Variants in SLC9A7 observed in about 807,000 individuals in gnomAD.
SLC9A7 encodes solute carrier family 9 member A7.
Under a neutral mutation model 52.6 loss-of-function variants are expected in SLC9A7, and 19 were observed. The observed-to-expected ratio is 0.36, with a 90% CI of 0.25 to 0.53. The LOEUF (loss-of-function observed/expected upper bound fraction) is 0.53, where lower values mean the gene tolerates loss of function less well. Ranked by LOEUF, SLC9A7 falls within the 20% of genes least tolerant of loss-of-function variation. SLC9A7 has a pLI of 0.91. For missense variants in SLC9A7, 455 were observed against 597.9 expected, an observed-to-expected ratio of 0.76 and a Z score of 2.49; for synonymous variants, 226 against 252.1, an observed-to-expected ratio of 0.90 and a Z score of 0.98.
chrX:46,608,172 T>G (rs1314267711), intron 16 of SLC9A7, among the ~76,000 whole-genome samples: 1 of 112,238 alleles, frequency 8.9e-6, no homozygotes, highest in African/African-American at 3.2e-5. Flanking sequence ...CCCATCTAGA[T>G]GACAAACGCC....
intron 1 of SLC9A7, among the ~76,000 whole-genome samples, chrX:46,729,649 TGCAATCCCA>T (rs1203718430): frequency 3.6e-5 from 4 of 110,776 alleles, no homozygotes; most frequent in Non-Finnish European, 5.7e-5. Context: ...GGTGGGTGCC[TGCAATCCCA>T]GCTACTCGGG....
intron 14 of SLC9A7, among the ~76,000 whole-genome samples, chrX:46,623,044 T>C (rs1244898420): frequency 3.6e-5 from 4 of 112,376 alleles, no homozygotes; most frequent in African/African-American, 6.5e-5. Flanking sequence ...AGAAGCATGA[T>C]TAGGTATAGG....
At chrX:46,615,348 C>T (rs1480314166) in intron 15 of SLC9A7, among the ~76,000 whole-genome samples, 2 of 112,014 alleles carry the variant, frequency 1.8e-5, no homozygotes. Flanking sequence ...GCCTGGAGCT[C>T]TTTATACGCG....
intron 1 of SLC9A7, among the ~76,000 whole-genome samples, chrX:46,732,626 A>G (rs1352460219): frequency 8.9e-6 from 1 of 111,898 alleles, no homozygotes; most frequent in East Asian, 2.8e-4. Flanking sequence ...GCACTTTCAT[A>G]TATTGTGGAG....
intron 1 of SLC9A7, among the ~76,000 whole-genome samples, chrX:46,733,183 T>C (rs1248601007): frequency 8.9e-6 from 1 of 112,012 alleles, no homozygotes; most frequent in African/African-American, 3.2e-5. Flanking sequence ...ACCATGTAAA[T>C]GTATTAACTA....
At chrX:46,633,596 T>C (rs982700231) in intron 13 of SLC9A7, among the ~76,000 whole-genome samples, 3 of 106,288 alleles carry the variant, frequency 2.8e-5, no homozygotes, top group Admixed American at 1.0e-4. Context: ...GAAGAGGAGG[T>C]AAAGCAATGG....
rs1358761548 is a variant in SLC9A7, at chrX:46,647,080, C to T, written c.1462+1606G>A. The T allele has an allele frequency of 5.6e-5, 18 of 323,160 alleles. No homozygotes were observed. The East Asian group carries it at 1.4e-3, about 25-fold the overall frequency. The allele number at this position is 323,160 out of a possible 1,213,427, so 26.6% of individuals were successfully genotyped here. A position where few individuals can be genotyped will look rare whatever the true frequency, so the allele number is the denominator to read the frequency against. On this transcript the variant is annotated intron_variant, in intron 11 of 16. Transcript: ENST00000616978. Reference sequence around the variant, plus strand: ...CACCAGAGTGCCACTCATTAAGATGCCAAGTCCTCACTACGGGCAGCCACA... The same window carrying T: ...CACCAGAGTGCCACTCATTAAGATGTCAAGTCCTCACTACGGGCAGCCACA...
chrX:46,608,848 G>A (rs999078809), intron 16 of SLC9A7, among the ~76,000 whole-genome samples: 8 of 110,540 alleles, frequency 7.2e-5, no homozygotes, highest in South Asian at 3.9e-4. Context: ...ATTTCACCAC[G>A]TTGGTCAGGC....
intron 14 of SLC9A7, among the ~76,000 whole-genome samples, chrX:46,624,896 T>C (rs371286655): frequency 8.9e-6 from 1 of 112,244 alleles, no homozygotes; most frequent in Admixed American, 9.4e-5. Flanking sequence ...TCTGCATTCA[T>C]TAAGCACCTA....
At position 46,631,442 on chromosome X, in the gene SLC9A7, A is replaced by G. The variant is rs1943219929; in HGVS notation, c.1740+144T>C. On this transcript the variant is annotated intron_variant, in intron 14 of 16. Transcript: ENST00000616978. ...AGATGACTCAAACTCCCAAACTTCA[A>G]CTTTTAATCTGTAAAATGGGGAGAG... 6.4e-6 allele frequency: 3 copies of G among 468,565 alleles called. No homozygotes were observed. In the South Asian group the frequency reaches 1.1e-4, roughly 17 times the overall value. The allele number at this position is 468,565 out of a possible 1,213,427, so 38.6% of individuals were successfully genotyped here.
intron 8 of SLC9A7, among the ~76,000 whole-genome samples, chrX:46,653,081 G>T (rs1943609617): frequency 8.9e-6 from 1 of 112,336 alleles, no homozygotes; most frequent in Admixed American, 9.4e-5. Context: ...ACTTTGGAAT[G>T]ATAAACTTTA....
In SLC9A7 at chrX:46,651,455, G is replaced by GA. The variant is rs757502245; in HGVS notation, c.1148-52dup. Reference sequence around the variant, plus strand: ...ATCAATGGAAAAAAAAGAGGCAGGGGAAAAAAAAAACCCTGCTAGAACAAA... The same window carrying GA: ...ATCAATGGAAAAAAAAGAGGCAGGGGAAAAAAAAAAACCCTGCTAGAACAAA... On this transcript the variant is annotated intron_variant, in intron 8 of 16. Transcript: ENST00000616978. 7.8e-3 allele frequency: 6,686 copies of GA among 861,303 alleles called. 11 individuals carry two copies. Among genetic ancestry groups the GA allele is most frequent in the African/African-American group, 0.026 (1,200 of 46,894 alleles). 71.0% of individuals were successfully genotyped at this position (861,303 alleles called of 1,213,427 possible).
intron 1 of SLC9A7, among the ~76,000 whole-genome samples, chrX:46,740,983 T>C (rs1032876929): frequency 9.0e-6 from 1 of 111,219 alleles, no homozygotes; most frequent in African/African-American, 3.3e-5. Context: ...AAAAATTAAT[T>C]GTATTTCTAT....
chrX:46,643,425 A>G, intron 11 of SLC9A7, 36 bp from the exon 12 acceptor site: 1 of 1,152,986 alleles, frequency 8.7e-7, no homozygotes, highest in South Asian at 2.0e-5. Flanking sequence ...ACTTATAAGG[A>G]TTAAATGACA....
At position 46,672,609 on chromosome X, in the gene SLC9A7, G is replaced by T; in HGVS notation, c.622C>A (p.Leu208Ile). 4 of 1,201,309 alleles carry T rather than the reference G, an allele frequency of 3.3e-6. No homozygotes were observed. Among genetic ancestry groups the T allele is most frequent in the Non-Finnish European group, 4.5e-6 (4 of 888,136 alleles). ...SLKKRHFFRN[L>I]GSILAYAFLG... ...AAGGCATAGGCCAGTATAGATCCAAGATTTCTGAAAAAGTGTCTCTGAATA... is the reference window on the plus strand; with the variant it reads ...AAGGCATAGGCCAGTATAGATCCAATATTTCTGAAAAAGTGTCTCTGAATA... The change falls in exon 4 of 17, where the codon CTT becomes ATT. Residue 208 changes from leucine to isoleucine, a missense_variant. Leu to Ile is a conservative substitution (Grantham distance 5). Coordinates refer to ENST00000616978, the MANE Select transcript of SLC9A7 (RefSeq NM_001257291.2).
chrX:46,702,186 T>G (rs1002105912), intron 1 of SLC9A7, among the ~76,000 whole-genome samples: 1 of 112,152 alleles, frequency 8.9e-6, no homozygotes, highest in African/African-American at 3.2e-5. Context: ...TTTCAGCATA[T>G]GGATACATTT....
At chrX:46,622,694 AT>A (rs931298456) in intron 14 of SLC9A7, among the ~76,000 whole-genome samples, 1 of 111,951 alleles carries the variant, frequency 8.9e-6, no homozygotes, top group African/African-American at 3.3e-5. Flanking sequence ...ATTTCTTGCC[AT>A]TTAATCTCAA....
At chrX:46,673,354 A>AC (rs1569515264) in intron 3 of SLC9A7, among the ~76,000 whole-genome samples, 1,843 of 82,612 alleles carry the variant, frequency 0.022, 45 homozygotes, top group African/African-American at 0.071. Flanking sequence ...TTAAAAATAT[A>AC]AACACACACA....
At chrX:46,729,868 C>A (rs181083238) in intron 1 of SLC9A7, among the ~76,000 whole-genome samples, 4 of 112,016 alleles carry the variant, frequency 3.6e-5, no homozygotes, top group Non-Finnish European at 7.5e-5. Flanking sequence ...AATAAAATTG[C>A]AATAATAATA....
Sources: allele counts gnomAD v4.1 joint callset (sites outside exome capture counted in the v4.1 genomes callset), GRCh38; gene constraint gnomAD v4.1.1; transcripts MANE v1.5; gene names NCBI Gene and HGNC (gene_info 2026-07-23, HGNC 2026-07-21).